Variants in CCDC24 observed in about 807,000 individuals in gnomAD.
The protein encoded by CCDC24 is coiled-coil domain containing 24.
A neutral mutation model predicts 31.6 loss-of-function variants in CCDC24; 34 were observed. The observed-to-expected ratio is 1.08, with a 90% confidence interval of 0.82 to 1.43. CCDC24 has a LOEUF of 1.43. Ranked by LOEUF, CCDC24 falls within the 40% of genes most tolerant of loss-of-function variation. The pLI, the probability that CCDC24 is intolerant of heterozygous loss-of-function variation, is 0.00. For synonymous variants in CCDC24, 175 were observed against 157.3 expected, an observed-to-expected ratio of 1.11 and a Z score of -0.84; for missense variants, 426 against 391.1, an observed-to-expected ratio of 1.09 and a Z score of -0.75.
chr1:43,995,450 G>T lies in CCDC24; in HGVS notation c.553-151G>T, dbSNP rs1038366026. The T allele has an allele frequency of 3.4e-6, 3 of 877,692 alleles. No homozygotes were observed. Among genetic ancestry groups the T allele is most frequent in the Non-Finnish European group, 5.2e-6 (3 of 582,436 alleles). 54.4% of individuals were successfully genotyped at this position (877,692 alleles called of 1,614,324 possible). On this transcript the variant is annotated intron_variant, in intron 6 of 8. Transcript: ENST00000372318. The surrounding 1 kb of genome is among the most constrained non-coding windows in gnomAD (Gnocchi z 4.3). ...CTATCTTGCCAAACTCAGCTCTTCCGCAAGGCTGGTATTCCCTGGGGAACG... is the reference window on the plus strand; with the variant it reads ...CTATCTTGCCAAACTCAGCTCTTCCTCAAGGCTGGTATTCCCTGGGGAACG...
chr1:43,992,119 C>G, intron 2 of CCDC24, 93 bp from the exon 3 acceptor site: 3 of 1,513,932 alleles, frequency 2.0e-6, no homozygotes, highest in Non-Finnish European at 2.7e-6. Flanking sequence ...TCCTGGTCTC[C>G]CCTTTGACTC....
intron 4 of CCDC24, among the ~76,000 whole-genome samples, chr1:43,992,887 TTTTCA>T (rs1360440747): frequency 1.3e-4 from 20 of 152,154 alleles, no homozygotes; most frequent in Non-Finnish European, 2.4e-4. Context: ...TGAGGAGCAG[TTTTCA>T]GGGAGATGAA....
In CCDC24 at chr1:43,995,285, C is replaced by T; in HGVS notation, c.552+123C>T. Reference sequence around the variant, plus strand: ...GTACAGGCTATGTGAGTCCTGCATCCATTTCTCAGGGGTGCATGCTTGTGT... The same window carrying T: ...GTACAGGCTATGTGAGTCCTGCATCTATTTCTCAGGGGTGCATGCTTGTGT... On this transcript the variant is annotated intron_variant, in intron 6 of 8. Transcript: ENST00000372318. The surrounding 1 kb of genome is among the most constrained non-coding windows in gnomAD (Gnocchi z 4.3). 9.7e-7 allele frequency: 1 copy of T among 1,031,164 alleles called. No individual in the cohort carries two copies. The highest frequency in any genetic ancestry group is 2.1e-5 in the Admixed American group (1 of 48,126). The allele number at this position is 1,031,164 out of a possible 1,614,324, so 63.9% of individuals were successfully genotyped here. A position where few individuals can be genotyped will look rare whatever the true frequency, so the allele number is the denominator to read the frequency against.
Position 43,996,044 on chromosome 1 carries a change from C to G in CCDC24, c.808C>G (p.Leu270Val), listed in dbSNP as rs1356782522. The change falls in exon 9 of 9, where the codon CTT becomes GTT. Residue 270 changes from leucine (L) to valine (V), a missense_variant. Coordinates refer to ENST00000372318, the MANE Select transcript of CCDC24 (RefSeq NM_152499.4). ...CLPAPPLEPY[L>V]RPRGQSATHR... ...GCCTGCACCTCCTCTGGAGCCCTAC[C>G]TTCGACCTCGAGGCCAGTCGGCTAC... The G allele has an allele frequency of 4.3e-6, 7 of 1,614,052 alleles. No individual in the cohort carries two copies. In the South Asian group the frequency reaches 5.5e-5, roughly 13 times the overall value.
chr1:43,992,106 C>T (rs1207078642), intron 2 of CCDC24, 102 bp downstream of exon 2: 2 of 1,509,448 alleles, frequency 1.3e-6, no homozygotes, highest in South Asian at 1.3e-5. Flanking sequence ...TCCCGAGATC[C>T]TATCCTGGTC....
At chr1:43,993,443 G>GA (rs35911583) in intron 4 of CCDC24, among the ~76,000 whole-genome samples, 2,413 of 146,748 alleles carry the variant, frequency 0.016, 23 homozygotes, top group Non-Finnish European at 0.018. Context: ...CTGTCTCTAA[G>GA]AAAAAAAAAA....
chr1:43,992,734 G>GCCCGTGACTGGAA, intron 4 of CCDC24, 95 bp downstream of exon 4: 1 of 1,133,398 alleles, frequency 8.8e-7, no homozygotes, highest in Non-Finnish European at 1.3e-6. Flanking sequence ...GGAGATTCCA[G>GCCCGTGACTGGAA]TCACGGGCTG....
intron 5 of CCDC24, chr1:43,994,897 C>T (rs887566999): frequency 7.3e-5 from 43 of 590,118 alleles, no homozygotes; most frequent in African/African-American, 5.4e-4. Flanking sequence ...GTGAGGCAGG[C>T]GAGGGGAAGA....
chr1:43,994,234 C>A, intron 5 of CCDC24: 2 of 432,258 alleles, frequency 4.6e-6, no homozygotes, highest in South Asian at 3.4e-5. Flanking sequence ...TCATTTGGGC[C>A]CAGGAATTCG....
Position 43,992,372 on chromosome 1 carries a change from C to T in CCDC24, c.287C>T (p.Ala96Val). 6.2e-7 allele frequency: 1 copy of T among 1,614,142 alleles called. No individual in the cohort carries two copies. Among genetic ancestry groups the T allele is most frequent in the Non-Finnish European group, 8.5e-7 (1 of 1,180,010 alleles). ...TTGCTCCAGGGTCTCCGCCACAAAG[C>T]CATCTGTGAGGGCAGGTGGGAGCCT... ...RQLLQGLRHKAICEGRDQAQA... is the reference protein window; with the variant it reads ...RQLLQGLRHKVICEGRDQAQA... Residue 96 changes from alanine (A) to valine (V), a missense_variant, in exon 3 of 9, where the codon GCC becomes GTC. Physicochemically the swap from Ala to Val is moderately conservative, Grantham distance 64. Transcript: ENST00000372318.
rs766094065 is a variant in CCDC24, at chr1:43,992,338, C to T, written c.253C>T (p.Leu85Phe). ...CCTAAAGGACCTCTTGCGCCAGGAGCTCCGGCAGTTGCTCCAGGGTCTCCG... is the reference window on the plus strand; with the variant it reads ...CCTAAAGGACCTCTTGCGCCAGGAGTTCCGGCAGTTGCTCCAGGGTCTCCG... ...PLLKDLLRQE[L>F]RQLLQGLRHK... Residue 85 changes from leucine (L) to phenylalanine (F), a missense_variant, in exon 3 of 9, where the codon CTC becomes TTC. Physicochemically the swap from Leu to Phe is conservative, Grantham distance 22 (BLOSUM62 0). Transcript: ENST00000372318. 3.6e-5 allele frequency: 58 copies of T among 1,614,088 alleles called. No individual in the cohort carries two copies. The highest frequency in any genetic ancestry group is 3.6e-5 in the Non-Finnish European group (42 of 1,180,030).
chr1:43,995,100 T>A lies in CCDC24; in HGVS notation c.498-8T>A, dbSNP rs775985718. 6.3e-7 allele frequency: 1 copy of A among 1,578,328 alleles called. No individual in the cohort carries two copies. Among genetic ancestry groups the A allele is most frequent in the Non-Finnish European group, 8.6e-7 (1 of 1,162,660 alleles). On this transcript the variant is annotated splice_polypyrimidine_tract_variant and splice_region_variant and intron_variant, in intron 5 of 8. Coordinates refer to ENST00000372318, the MANE Select transcript of CCDC24 (RefSeq NM_152499.4). The surrounding 1 kb of genome is among the most constrained non-coding windows in gnomAD (Gnocchi z 4.3). ...TCGGGTTCTGGCTGCTGCTCCCTCA[T>A]GTCCCAGGGGCCTTCTGGAGGAGGA...
At position 43,992,013 on chromosome 1, in the gene CCDC24, A is replaced by T. The variant is rs1483979719; in HGVS notation, c.126+9A>T. 2.7e-6 allele frequency: 4 copies of T among 1,491,672 alleles called. No individual in the cohort carries two copies. The highest frequency in any genetic ancestry group is 2.4e-4 in the Middle Eastern group (1 of 4,252). The allele number at this position is 1,491,672 out of a possible 1,614,324, so 92.4% of individuals were successfully genotyped here. A position where few individuals can be genotyped will look rare whatever the true frequency, so the allele number is the denominator to read the frequency against. On this transcript the variant is annotated intron_variant, in intron 2 of 8. Transcript: ENST00000372318. ...TGGAGCTGCGGGCGGAGGTGGGGAG[A>T]GGGAAGGTGGGCCACGCCCCTGGCC...
intron 3 of CCDC24, 21 bp from the exon 4 acceptor site, chr1:43,992,502 C>T: frequency 6.2e-7 from 1 of 1,613,962 alleles, no homozygotes; most frequent in Non-Finnish European, 8.5e-7. Context: ...TCTCAGCTTC[C>T]TTCCTGTGCA....
rs2301983 is a variant in CCDC24 at position 43,996,150 on chromosome 1, C to T, written c.914C>T (p.Ala305Val). Residue 305 changes from alanine to valine, a missense_variant, in exon 9 of 9, where the codon GCC becomes GTC. Transcript: ENST00000372318. ...STPMSSAAPQAPA is the reference protein window; with the variant it reads ...STPMSSAAPQVPA ...CCCATGTCCAGTGCAGCACCCCAAG[C>T]CCCAGCCTGAAGGGCTGGTCACCGA... is the stretch of plus-strand genomic sequence containing the variant. 0.044 allele frequency: 69,643 copies of T among 1,587,052 alleles called. 1,857 individuals carry two copies. The highest frequency in any genetic ancestry group is 0.12 in the East Asian group (5,472 of 44,358).
At chr1:43,991,811 C>A (rs905814919) in intron 1 of CCDC24, 36 bp from the exon 2 acceptor site, 10 of 1,536,022 alleles carry the variant, frequency 6.5e-6, no homozygotes, top group African/African-American at 4.1e-5. Flanking sequence ...CCGGCGGGCC[C>A]GCGGTACCTC....
At position 43,995,070 on chromosome 1, in the gene CCDC24, G is replaced by A. The variant is rs1413605875; in HGVS notation, c.498-38G>A. The A allele has an allele frequency of 1.2e-5, 19 of 1,553,452 alleles. No individual in the cohort carries two copies. Among genetic ancestry groups the A allele is most frequent in the African/African-American group, 1.4e-5 (1 of 73,336 alleles). On this transcript the variant is annotated intron_variant, in intron 5 of 8. Transcript: ENST00000372318. The surrounding 1 kb of genome is among the most constrained non-coding windows in gnomAD (Gnocchi z 4.3). ...GTGGACTCAGCTGAGCCCTGGTCCT[G>A]TGTCTCGGGTTCTGGCTGCTGCTCC...
Position 43,991,764 on chromosome 1 carries a change from G to A in CCDC24, c.-33+18G>A, listed in dbSNP as rs1425761302. ...GAGCACGGGTGGGGCTTGGGAGAGGGCGGGGCCCATAGAGGGGCGGGGTTT... is the reference window on the plus strand; with the variant it reads ...GAGCACGGGTGGGGCTTGGGAGAGGACGGGGCCCATAGAGGGGCGGGGTTT... On this transcript the variant is annotated intron_variant, in intron 1 of 8. Coordinates refer to ENST00000372318, the MANE Select transcript of CCDC24 (RefSeq NM_152499.4). 1.5e-6 allele frequency: 2 copies of A among 1,353,446 alleles called. No homozygotes were observed. The highest frequency in any genetic ancestry group is 2.5e-5 in the East Asian group (1 of 39,980). 83.8% of individuals were successfully genotyped at this position (1,353,446 alleles called of 1,614,324 possible).
chr1:43,991,760 G>A lies in CCDC24; in HGVS notation c.-33+14G>A, dbSNP rs1037694674. ...GGCAGAGCACGGGTGGGGCTTGGGAGAGGGCGGGGCCCATAGAGGGGCGGG... is the reference window on the plus strand; with the variant it reads ...GGCAGAGCACGGGTGGGGCTTGGGAAAGGGCGGGGCCCATAGAGGGGCGGG... On this transcript the variant is annotated intron_variant, in intron 1 of 8. Coordinates refer to ENST00000372318, the MANE Select transcript of CCDC24 (RefSeq NM_152499.4). 2 of 1,323,482 alleles carry A rather than the reference G, an allele frequency of 1.5e-6. No individual in the cohort carries two copies. The highest frequency in any genetic ancestry group is 1.5e-5 in the African/African-American group (1 of 68,862). The allele number at this position is 1,323,482 out of a possible 1,614,324, so 82.0% of individuals were successfully genotyped here. A position where few individuals can be genotyped will look rare whatever the true frequency, so the allele number is the denominator to read the frequency against.
Sources: gnomAD v4.1 joint callset for allele counts (sites outside exome capture counted in the v4.1 genomes callset) on GRCh38, gnomAD v4.1.1 for gene constraint, Gnocchi (gnomAD v3.1) non-coding constraint, MANE v1.5 for transcripts, NCBI Gene and HGNC (gene_info 2026-07-23, HGNC 2026-07-21) for gene names.